Variants in SAMD12 observed in about 807,000 individuals in gnomAD.
SAMD12 encodes the protein sterile alpha motif domain containing 12.
SAMD12 carries 9 observed loss-of-function variants against 15.0 expected under a neutral mutation model. The observed-to-expected ratio is 0.60, with a 90% CI of 0.36 to 1.05. The LOEUF is 1.05. Ranked by LOEUF, SAMD12 falls within the 50% of genes least tolerant of loss-of-function variation. The pLI, the probability that SAMD12 is intolerant of heterozygous loss-of-function variation, is 0.01. For missense variants in SAMD12, 230 were observed against 234.2 expected (o/e 0.98, Z 0.12); for synonymous variants, 86 against 90.1 (o/e 0.96, Z 0.25).
At chr8:118,199,792 C>T (rs1179252636) in intron 4 of SAMD12, among the ~76,000 whole-genome samples, 2 of 152,140 alleles carry the variant, frequency 1.3e-5, no homozygotes, top group East Asian at 3.8e-4. Context: ...CTTCTCAGGA[C>T]ATGTAGAATT....
intron 2 of SAMD12, among the ~76,000 whole-genome samples, chr8:118,440,688 AC>A (rs1563861814): frequency 0.013 from 1,884 of 147,422 alleles, 29 homozygotes; most frequent in African/African-American, 0.045. Context: ...ACACACACAC[AC>A]ACACACAAAC....
At chr8:118,295,248 T>TGAAAG (rs1043860951) in intron 4 of SAMD12, among the ~76,000 whole-genome samples, 51 of 152,356 alleles carry the variant, frequency 3.3e-4, no homozygotes, top group African/African-American at 1.1e-3. Context: ...AAATTATTGG[T>TGAAAG]GAAAGGCTAT....
intron 2 of SAMD12, among the ~76,000 whole-genome samples, chr8:118,483,534 A>G (rs17750253): frequency 0.019 from 2,880 of 152,050 alleles, 34 homozygotes; most frequent in Non-Finnish European, 0.028. Flanking sequence ...TCATTACGAC[A>G]TTTTATTTAG....
intron 4 of SAMD12, among the ~76,000 whole-genome samples, chr8:118,287,182 T>G (rs1814080968): frequency 6.7e-6 from 1 of 150,276 alleles, no homozygotes; most frequent in South Asian, 2.1e-4. Flanking sequence ...CGGACTACAG[T>G]GGCTCTATCT....
At chr8:118,255,488 A>C (rs1812915562) in intron 4 of SAMD12, among the ~76,000 whole-genome samples, 1 of 141,562 alleles carries the variant, frequency 7.1e-6, no homozygotes, top group Admixed American at 7.0e-5. Flanking sequence ...CTATCTCCTA[A>C]TGCTATCCCT....
chr8:118,553,469 T>G (rs370314905), intron 2 of SAMD12, among the ~76,000 whole-genome samples: 38 of 152,198 alleles, frequency 2.5e-4, no homozygotes, highest in African/African-American at 4.1e-4. Context: ...TGGGAAAACT[T>G]GCTAGCCATA....
At chr8:118,449,468 A>C (rs1211449208) in intron 2 of SAMD12, among the ~76,000 whole-genome samples, 2 of 152,130 alleles carry the variant, frequency 1.3e-5, no homozygotes, top group African/African-American at 4.8e-5. Context: ...TAAGAAAGGA[A>C]GAGGATTAAA....
intron 4 of SAMD12, among the ~76,000 whole-genome samples, chr8:118,360,526 GA>G (rs201319688): frequency 0.04 from 5,649 of 139,918 alleles, 318 homozygotes; most frequent in African/African-American, 0.13. Flanking sequence ...TAAGGTAAAA[GA>G]AAAAAAAAAA....
chr8:118,621,414 C>G, intron 1 of SAMD12: 1 of 287,466 alleles, frequency 3.5e-6, no homozygotes, highest in Non-Finnish European at 6.6e-6. Flanking sequence ...GTGAGGGGGG[C>G]CAACCAAGCA....
In SAMD12 at chr8:118,611,021, T is replaced by C. The variant is rs553103671; in HGVS notation, c.13+10783A>G. Among the ~76,000 whole-genome samples the C allele has an allele frequency of 6.6e-5, 10 of 152,300 alleles. No homozygotes were observed. The South Asian group carries it at 2.1e-3, about 32-fold the overall frequency. On this transcript the variant is annotated intron_variant, in intron 1 of 3. Transcript: ENST00000314727. ...TACCCTAGGGTGGGAAGTAGGAATA[T>C]GGATGTTATCAAGTGCCCCAGGAGA...
chr8:118,510,384 C>A (rs1191537557), intron 2 of SAMD12, among the ~76,000 whole-genome samples: 1 of 152,160 alleles, frequency 6.6e-6, no homozygotes, highest in East Asian at 1.9e-4. Context: ...GGAGGTATTT[C>A]ATTTAATTGT....
At chr8:118,139,368 T>C in the SAMD12 span, among the ~76,000 whole-genome samples, 1 of 152,196 alleles carries the variant, frequency 6.6e-6, no homozygotes, top group African/African-American at 2.4e-5. Flanking sequence ...TTAGTTTTAG[T>C]TTACTTTCTA....
intron 3 of SAMD12, among the ~76,000 whole-genome samples, chr8:118,437,433 A>G (rs1822608040): frequency 6.6e-6 from 1 of 152,206 alleles, no homozygotes; most frequent in South Asian, 2.1e-4. Flanking sequence ...AAATAACAGC[A>G]TGTTTTTCGA....
chr8:118,161,158 G>A, the SAMD12 span, among the ~76,000 whole-genome samples: 2 of 152,170 alleles, frequency 1.3e-5, no homozygotes, highest in Non-Finnish European at 2.9e-5. Context: ...ATTCCATGGT[G>A]TATATGTGCC....
chr8:118,247,122 T>C (rs1812714027), intron 4 of SAMD12, among the ~76,000 whole-genome samples: 1 of 152,080 alleles, frequency 6.6e-6, no homozygotes, highest in Admixed American at 6.6e-5. Context: ...TGGATGGACC[T>C]AGAGGACATA....
chr8:118,406,474 A>T (rs557437089), intron 3 of SAMD12, among the ~76,000 whole-genome samples: 1 of 152,122 alleles, frequency 6.6e-6, no homozygotes, highest in East Asian at 1.9e-4. Flanking sequence ...GGGTTTTGCC[A>T]TGTTGTCCAG....
rs141957114 is a variant in SAMD12 at position 118,538,200 on chromosome 8, C to T, written c.192+42515G>A. Among the ~76,000 whole-genome samples, 468 of 152,112 alleles carry T rather than the reference C, an allele frequency of 3.1e-3. 13 individuals are homozygous for T. In the East Asian group the frequency reaches 0.077, roughly 25 times the overall value. ...TGTCTGTCTGTCTGTCTCTCTTTCT[C>T]TCTCTCCCTCTCTCTGGGATTGGGG... On this transcript the variant is annotated intron_variant, in intron 2 of 3. Transcript: ENST00000314727.
At chr8:118,471,425 C>T (rs1193099259) in intron 2 of SAMD12, among the ~76,000 whole-genome samples, 1 of 152,070 alleles carries the variant, frequency 6.6e-6, no homozygotes, top group East Asian at 1.9e-4. Context: ...TTTAGTTGTA[C>T]CAAAACAGTA....
chr8:118,265,969 T>C (rs1317618973), intron 4 of SAMD12, among the ~76,000 whole-genome samples: 1 of 152,072 alleles, frequency 6.6e-6, no homozygotes, highest in Non-Finnish European at 1.5e-5. Flanking sequence ...TATAAAGACA[T>C]ACCTGAGACT....
Sources: gnomAD v4.1 joint callset for allele counts (sites outside exome capture counted in the v4.1 genomes callset) on GRCh38, gnomAD v4.1.1 for gene constraint, MANE v1.5 for transcripts, NCBI Gene and HGNC (gene_info 2026-07-23, HGNC 2026-07-21) for gene names.